ZSCAN1: variants seen among roughly 807,000 people sequenced by gnomAD.
ZSCAN1 encodes the protein zinc finger and SCAN domain containing 1, also known as zinc finger and SCAN domain-containing protein 1.
A neutral mutation model predicts 23.8 loss-of-function variants in ZSCAN1; 23 were observed. The observed-to-expected ratio is 0.97, with a 90% confidence interval of 0.70 to 1.37. The LOEUF is 1.37. Ranked by LOEUF, ZSCAN1 falls within the 40% of genes most tolerant of loss-of-function variation. The pLI, the probability that ZSCAN1 is intolerant of heterozygous loss-of-function variation, is 0.00. For synonymous variants in ZSCAN1, 236 were observed against 232.3 expected (o/e 1.02, Z -0.15); for missense variants, 575 against 554.0 (o/e 1.04, Z -0.38).
At chr19:58,051,066 A>G (rs1365793715) in intron 4 of ZSCAN1, among the ~76,000 whole-genome samples, 1 of 152,170 alleles carries the variant, frequency 6.6e-6, no homozygotes, top group Non-Finnish European at 1.5e-5. Context: ...GCCTGACCCA[A>G]GTGTGTCGAT....
At chr19:58,055,828 C>T (rs977521596), downstream of ZSCAN1, among the ~76,000 whole-genome samples, 10 of 152,168 alleles carry the variant, frequency 6.6e-5, no homozygotes, top group Admixed American at 6.5e-4. Flanking sequence ...AGTCAGGCTC[C>T]AGCCTACCTG....
intron 4 of ZSCAN1, among the ~76,000 whole-genome samples, chr19:58,044,298 CTG>C (rs1317598411): frequency 1.2e-5 from 1 of 86,762 alleles, no homozygotes; most frequent in African/African-American, 5.0e-5. Context: ...AAAAAACAAC[CTG>C]TGTCATTTTA....
At chr19:58,054,945 C>A (rs944281989), downstream of ZSCAN1, among the ~76,000 whole-genome samples, 7 of 152,144 alleles carry the variant, frequency 4.6e-5, no homozygotes, top group African/African-American at 1.4e-4. The surrounding 1 kb of genome is among the most constrained non-coding windows in gnomAD (Gnocchi z 4.2). Flanking sequence ...AAAGAGTGGG[C>A]CCGCCTCTCC....
In ZSCAN1 at chr19:58,040,113, A is replaced by G. The variant is rs1221428840; in HGVS notation, c.371-337A>G. Among the ~76,000 whole-genome samples, 1 of 152,218 alleles carries G rather than the reference A, an allele frequency of 6.6e-6. No individual in the cohort carries two copies. The highest frequency in any genetic ancestry group is 1.5e-5 in the Non-Finnish European group (1 of 68,042). On this transcript the variant is annotated intron_variant, in intron 3 of 5. Transcript: ENST00000282326. The surrounding 1 kb of genome is among the most constrained non-coding windows in gnomAD (Gnocchi z 5.8). ...GTCGTCCTCTGTGCACTCTGTGCAC[A>G]CAGCCCCGGGGGGCTTGGGGAGCAG...
intron 3 of ZSCAN1, among the ~76,000 whole-genome samples, chr19:58,038,633 T>C (rs1431986488): frequency 6.6e-6 from 1 of 152,230 alleles, no homozygotes; most frequent in Non-Finnish European, 1.5e-5. Flanking sequence ...CGCTTAGGTC[T>C]GCATCCCGAC....
intron 2 of ZSCAN1, among the ~76,000 whole-genome samples, chr19:58,037,223 A>C (rs907083122): frequency 2.8e-4 from 42 of 152,256 alleles, no homozygotes; most frequent in African/African-American, 9.1e-4. Context: ...TTCCTATTTC[A>C]GGTGCTCCTA....
rs371790690 is a variant in ZSCAN1 at position 58,039,749 on chromosome 19, C to A, written c.371-701C>A. Among the ~76,000 whole-genome samples the A allele has an allele frequency of 2.4e-5, 3 of 126,488 alleles. No individual in the cohort carries two copies. In the South Asian group the frequency reaches 7.9e-4, roughly 33 times the overall value. The allele number at this position is 126,488 out of a possible 152,430, so 83.0% of individuals were successfully genotyped here. A position where few individuals can be genotyped will look rare whatever the true frequency, so the allele number is the denominator to read the frequency against. On this transcript the variant is annotated intron_variant, in intron 3 of 5. Transcript: ENST00000282326. ...TCACGCCACTGCACTGCAGCCTGGG[C>A]GACAGAGCGAGACTCCGTCTCAAAA...
At chr19:58,039,968 A>G (rs1199732614) in intron 3 of ZSCAN1, among the ~76,000 whole-genome samples, 2 of 152,074 alleles carry the variant, frequency 1.3e-5, no homozygotes, top group East Asian at 3.9e-4. Context: ...TCTTGGGCTC[A>G]AGCAGTCCTC....
intron 5 of ZSCAN1, among the ~76,000 whole-genome samples, chr19:58,052,961 CT>C (rs35923365): frequency 0.81 from 111,872 of 138,150 alleles, 45,861 homozygotes; most frequent in Non-Finnish European, 0.88. Context: ...AAACATGTGC[CT>C]TTTTTTTTTT....
chr19:58,036,299 T>A (rs1005314434), intron 2 of ZSCAN1, among the ~76,000 whole-genome samples: 1 of 152,178 alleles, frequency 6.6e-6, no homozygotes, highest in African/African-American at 2.4e-5. Flanking sequence ...GTCTACCAAG[T>A]GTTCTTGATA....
chr19:58,051,818 A>G (rs1315923240), intron 4 of ZSCAN1, among the ~76,000 whole-genome samples: 1 of 152,182 alleles, frequency 6.6e-6, no homozygotes, highest in Non-Finnish European at 1.5e-5. Flanking sequence ...CAGAGAGCTA[A>G]AGCTCCTCAT....
intron 3 of ZSCAN1, chr19:58,038,555 A>G: frequency 3.7e-6 from 2 of 540,946 alleles, no homozygotes; most frequent in Non-Finnish European, 6.5e-6. Flanking sequence ...TGCAACACTC[A>G]GGAATCCTAG....
rs771402043 is a variant in ZSCAN1, at chr19:58,037,939, G to A, written c.103G>A (p.Glu35Lys). ...DPGPASPRDT[E>K]AQRLRFRQFQ... ...TGGGCCAGCAAGCCCCAGGGACACC[G>A]AAGCCCAGCGTCTGCGCTTCCGGCA... The change falls in exon 3 of 6, where the codon GAA becomes AAA. Residue 35 changes from glutamate to lysine, a missense_variant. Physicochemically the swap from Glu to Lys is moderately conservative, Grantham distance 56. Transcript: ENST00000282326. The A allele has an allele frequency of 1.9e-5, 27 of 1,412,770 alleles. No homozygotes were observed. Among genetic ancestry groups the A allele is most frequent in the African/African-American group, 2.9e-5 (2 of 68,182 alleles). 87.5% of individuals were successfully genotyped at this position (1,412,770 alleles called of 1,614,324 possible). A position where few individuals can be genotyped will look rare whatever the true frequency, so the allele number is the denominator to read the frequency against.
At position 58,040,670 on chromosome 19, in the gene ZSCAN1, G is replaced by A. The variant is rs1161362584; in HGVS notation, c.465+126G>A. On this transcript the variant is annotated intron_variant, in intron 4 of 5. Coordinates refer to ENST00000282326, the MANE Select transcript of ZSCAN1 (RefSeq NM_182572.4). The surrounding 1 kb of genome is among the most constrained non-coding windows in gnomAD (Gnocchi z 5.8). ...TGTCCCCAGCGCTCCCAGGAAGCCC[G>A]GCCTCCAAACTCCCCGCCTGCCCCA... The A allele has an allele frequency of 2.0e-5, 19 of 926,852 alleles. No individual in the cohort carries two copies. The highest frequency in any genetic ancestry group is 3.3e-4 in the Middle Eastern group (1 of 2,986). The allele number at this position is 926,852 out of a possible 1,614,324, so 57.4% of individuals were successfully genotyped here. A position where few individuals can be genotyped will look rare whatever the true frequency, so the allele number is the denominator to read the frequency against.
intron 1 of ZSCAN1, among the ~76,000 whole-genome samples, chr19:58,035,141 C>T (rs758837047): frequency 6.6e-6 from 1 of 152,088 alleles, no homozygotes; most frequent in African/African-American, 2.4e-5. Flanking sequence ...GAGACCCCTA[C>T]CAAAGTAGAC....
rs1183486866 is a variant in ZSCAN1 at position 58,047,163 on chromosome 19, A to C, written c.466-5327A>C. Among the ~76,000 whole-genome samples the C allele has an allele frequency of 6.6e-6, 1 of 152,214 alleles. No homozygotes were observed. Among genetic ancestry groups the C allele is most frequent in the East Asian group, 1.9e-4 (1 of 5,184 alleles). ...GGAGCTGGCTGCTACGCCCACCCTCAGAGGCGTCAGGAGACACAGCCTGGC... is the reference window on the plus strand; with the variant it reads ...GGAGCTGGCTGCTACGCCCACCCTCCGAGGCGTCAGGAGACACAGCCTGGC... On this transcript the variant is annotated intron_variant, in intron 4 of 5. Transcript: ENST00000282326. This position sits in a 1 kb window ranked among gnomAD's most constrained non-coding sequence, Gnocchi z 4.9.
chr19:58,044,711 T>G, intron 4 of ZSCAN1: 1 of 758,760 alleles, frequency 1.3e-6, no homozygotes, highest in Non-Finnish European at 2.4e-6. Context: ...GCCAGCACCC[T>G]GGGGTTGAGG....
intron 4 of ZSCAN1, chr19:58,046,670 C>T (rs1321944730): frequency 2.3e-6 from 2 of 879,864 alleles, no homozygotes; most frequent in Non-Finnish European, 3.9e-6. Context: ...GTTCACGTCT[C>T]CACCAGTCAG....
At position 58,049,836 on chromosome 19, in the gene ZSCAN1, T is replaced by G. The variant is rs2073847905; in HGVS notation, c.466-2654T>G. On this transcript the variant is annotated intron_variant, in intron 4 of 5. Coordinates refer to ENST00000282326, the MANE Select transcript of ZSCAN1 (RefSeq NM_182572.4). The surrounding 1 kb of genome is among the most constrained non-coding windows in gnomAD (Gnocchi z 4.5). ...ATACTCGTGGCCCCTGCTTTTCTTC[T>G]TTGTGCATAGCGATCTCCTGGCATC... Among the ~76,000 whole-genome samples the G allele has an allele frequency of 6.6e-6, 1 of 152,208 alleles. No homozygotes were observed. The highest frequency in any genetic ancestry group is 1.5e-5 in the Non-Finnish European group (1 of 68,042).
Sources: gnomAD v4.1 joint callset for allele counts (sites outside exome capture counted in the v4.1 genomes callset) on GRCh38, gnomAD v4.1.1 for gene constraint, Gnocchi (gnomAD v3.1) non-coding constraint, MANE v1.5 for transcripts, NCBI Gene and HGNC (gene_info 2026-07-23, HGNC 2026-07-21) for gene names.